The following ACOX2 variants were observed in gnomAD, a reference collection of about 807,000 sequenced individuals.
ACOX2 encodes the protein acyl-CoA oxidase 2.
Under a neutral mutation model 77.5 loss-of-function variants are expected in ACOX2, and 59 were observed. The observed-to-expected ratio is 0.76, with a 90% CI of 0.62 to 0.95. The LOEUF is 0.95. ACOX2 is among the 40% of genes least tolerant of loss of function. The probability of loss-of-function intolerance (pLI) is 0.00; values close to 1 mark genes in which losing one functional copy is unlikely to be tolerated. For missense variants in ACOX2, 837 were observed against 880.4 expected (o/e 0.95, Z 0.62); for synonymous variants, 317 against 340.1 (o/e 0.93, Z 0.75).
At position 58,531,613 on chromosome 3, in the gene ACOX2, G is replaced by A; in HGVS notation, c.703+80C>T. On this transcript the variant is annotated intron_variant, in intron 6 of 14. Coordinates refer to ENST00000302819, the MANE Select transcript of ACOX2 (RefSeq NM_003500.4). The surrounding 1 kb of genome is among the most constrained non-coding windows in gnomAD (Gnocchi z 5.8). ...GAGACATGTCTTAGCTACTCCTGTG[G>A]CCCTCTGGGGCCCCAGGTCAGGGAG... The A allele has an allele frequency of 6.4e-7, 1 of 1,560,928 alleles. No individual in the cohort carries two copies. The highest frequency in any genetic ancestry group is 2.2e-5 in the East Asian group (1 of 44,544).
chr3:58,528,397 G>C lies in ACOX2; in HGVS notation c.1155+397C>G, dbSNP rs781237599. Among the ~76,000 whole-genome samples, 21 of 152,344 alleles carry C rather than the reference G, an allele frequency of 1.4e-4. No homozygotes were observed. Among genetic ancestry groups the C allele is most frequent in the Middle Eastern group, 3.4e-3 (1 of 294 alleles). On this transcript the variant is annotated intron_variant, in intron 9 of 14. Coordinates refer to ENST00000302819, the MANE Select transcript of ACOX2 (RefSeq NM_003500.4). The surrounding 1 kb of genome is among the most constrained non-coding windows in gnomAD (Gnocchi z 5.6). ...CCCAGTGGGGTTTGGGGCAGCTTTA[G>C]TGATTAAACACATTAATAATTTTAC...
At position 58,524,436 on chromosome 3, in the gene ACOX2, C is replaced by T. The variant is rs758207077; in HGVS notation, c.1516G>A (p.Val506Met). 9.9e-6 allele frequency: 16 copies of T among 1,613,346 alleles called. No homozygotes were observed. The highest frequency in any genetic ancestry group is 2.5e-6 in the Non-Finnish European group (3 of 1,179,346). ...TCAGCACTGGCTTACCTTACTGCCA[C>T]ATGTGCCCAGGCCGTGGTGTAGAGC... ...PELYTTAWAH[V>M]AVRLIKDSVQ... is the part of the protein sequence containing the mutation. The change falls in exon 11 of 15, where the codon GTG becomes ATG. Residue 506 changes from valine (V) to methionine (M), a missense_variant. By Grantham distance (21) the Val-to-Met change is conservative (BLOSUM62 1). Coordinates refer to ENST00000302819, the MANE Select transcript of ACOX2 (RefSeq NM_003500.4). This position sits in a 1 kb window ranked among gnomAD's most constrained non-coding sequence, Gnocchi z 5.5.
rs532995967 is a variant in ACOX2, at chr3:58,516,463, C to T, written c.1850+743G>A. Reference sequence around the variant, plus strand: ...CAATAAAATGAGGAGATTAATAGTACCCATTTCAAAGGGCTGTAAGGATTA... The same window carrying T: ...CAATAAAATGAGGAGATTAATAGTATCCATTTCAAAGGGCTGTAAGGATTA... On this transcript the variant is annotated intron_variant, in intron 13 of 14. Transcript: ENST00000302819. Among the ~76,000 whole-genome samples the T allele has an allele frequency of 2.0e-5, 3 of 152,302 alleles. No individual in the cohort carries two copies. In the South Asian group the frequency reaches 6.2e-4, roughly 32 times the overall value.
intron 14 of ACOX2, among the ~76,000 whole-genome samples, chr3:58,506,183 T>A (rs1194123665): frequency 1.3e-5 from 2 of 152,222 alleles, no homozygotes; most frequent in African/African-American, 2.4e-5. Context: ...GTTGAATTGT[T>A]GAATGAATGA....
rs1275420514 is a variant in ACOX2, at chr3:58,534,326, C to A, written c.323+34G>T. ...GGTTTCCAGGTGATCCCAGGTAGATCCCTCTCTAGTGGGGCTGCTCGAGGA... is the reference window on the plus strand; with the variant it reads ...GGTTTCCAGGTGATCCCAGGTAGATACCTCTCTAGTGGGGCTGCTCGAGGA... On this transcript the variant is annotated intron_variant, in intron 3 of 14. Coordinates refer to ENST00000302819, the MANE Select transcript of ACOX2 (RefSeq NM_003500.4). The surrounding 1 kb of genome is among the most constrained non-coding windows in gnomAD (Gnocchi z 4.8). 1 of 1,611,374 alleles carries A rather than the reference C, an allele frequency of 6.2e-7. No individual in the cohort carries two copies. Among genetic ancestry groups the A allele is most frequent in the East Asian group, 2.2e-5 (1 of 44,854 alleles).
rs781573121 is a variant in ACOX2 at position 58,522,493 on chromosome 3, C to T, written c.1632+3G>A. On this transcript the variant is annotated splice_donor_region_variant and intron_variant, in intron 12 of 14. Coordinates refer to ENST00000302819, the MANE Select transcript of ACOX2 (RefSeq NM_003500.4). This position sits in a 1 kb window ranked among gnomAD's most constrained non-coding sequence, Gnocchi z 4.3. ...CTTTCAGCTTCAGCTGGCAGGCGCT[C>T]ACCTTAGCAGCCTGGAGGTGTATGA... is the stretch of plus-strand genomic sequence containing the variant. 7 of 1,613,746 alleles carry T rather than the reference C, an allele frequency of 4.3e-6. No individual in the cohort carries two copies. The African/African-American group carries it at 6.7e-5, about 15-fold the overall frequency.
Position 58,534,728 on chromosome 3 carries a change from C to T in ACOX2, c.161-206G>A, listed in dbSNP as rs1247756098. ...AGTGGCAGAATTTTAGGACCAGAAT[C>T]CAGGTCTTCTGCTGCCTAGGACTCT... On this transcript the variant is annotated intron_variant, in intron 2 of 14. Transcript: ENST00000302819. This position sits in a 1 kb window ranked among gnomAD's most constrained non-coding sequence, Gnocchi z 4.8. 2 of 1,365,058 alleles carry T rather than the reference C, an allele frequency of 1.5e-6. No individual in the cohort carries two copies. Among genetic ancestry groups the T allele is most frequent in the African/African-American group, 1.4e-5 (1 of 69,996 alleles). 84.6% of individuals were successfully genotyped at this position (1,365,058 alleles called of 1,614,324 possible).
In ACOX2 at chr3:58,534,044, C is replaced by G; in HGVS notation, c.425G>C (p.Cys142Ser). Residue 142 changes from cysteine (C) to serine (S), a missense_variant, in exon 4 of 15, where the codon TGC becomes TCC. By Grantham distance (112) the Cys-to-Ser change is moderately radical. Coordinates refer to ENST00000302819, the MANE Select transcript of ACOX2 (RefSeq NM_003500.4). The surrounding 1 kb of genome is among the most constrained non-coding windows in gnomAD (Gnocchi z 4.8). Reference protein sequence around the residue: ...EEQIAKWDPLCKNIQIIATYA... With the variant: ...EEQIAKWDPLSKNIQIIATYA... ...CGTTGCGATGATCTGGATGTTTTTGCAGAGTGGGTCCCATTTGGCAATCTG... is the reference window on the plus strand; with the variant it reads ...CGTTGCGATGATCTGGATGTTTTTGGAGAGTGGGTCCCATTTGGCAATCTG... 6.2e-7 allele frequency: 1 copy of G among 1,614,178 alleles called. No homozygotes were observed. Among genetic ancestry groups the G allele is most frequent in the Non-Finnish European group, 8.5e-7 (1 of 1,180,030 alleles).
intron 13 of ACOX2, among the ~76,000 whole-genome samples, chr3:58,516,096 T>G (rs936010197): frequency 6.6e-6 from 1 of 152,222 alleles, no homozygotes; most frequent in Non-Finnish European, 1.5e-5. Flanking sequence ...GTGAAAGCAC[T>G]GCATTAGTAT....
chr3:58,521,856 C>T lies in ACOX2; in HGVS notation c.1632+640G>A, dbSNP rs73838029. On this transcript the variant is annotated intron_variant, in intron 12 of 14. Transcript: ENST00000302819. The surrounding 1 kb of genome is among the most constrained non-coding windows in gnomAD (Gnocchi z 4.8). Reference sequence around the variant, plus strand: ...GCTGCTTCCTTTTGCACGCGCAGCTCCCTTTGCCTGGAAACTTTTCTCTCC... The same window carrying T: ...GCTGCTTCCTTTTGCACGCGCAGCTTCCTTTGCCTGGAAACTTTTCTCTCC... Among the ~76,000 whole-genome samples, 3,041 of 152,314 alleles carry T rather than the reference C, an allele frequency of 0.02. 108 individuals carry two copies. Among genetic ancestry groups the T allele is most frequent in the African/African-American group, 0.07 (2,901 of 41,578 alleles).
rs1560217747 is a variant in ACOX2 at position 58,526,914 on chromosome 3, G to A, written c.1156-258C>T. The stretch of plus-strand genomic sequence containing the variant: ...TGGCCTGGCCAGTGTCTCCAGGATT[G>A]GGAAGAGGGTGCTGCCTGGATTGGG... On this transcript the variant is annotated intron_variant, in intron 9 of 14. Coordinates refer to ENST00000302819, the MANE Select transcript of ACOX2 (RefSeq NM_003500.4). This position sits in a 1 kb window ranked among gnomAD's most constrained non-coding sequence, Gnocchi z 4.3. 6.6e-6 allele frequency among the ~76,000 whole-genome samples: 1 copy of A among 152,192 alleles called. No individual in the cohort carries two copies. The highest frequency in any genetic ancestry group is 1.9e-4 in the East Asian group (1 of 5,196).
chr3:58,517,226 C>T lies in ACOX2; in HGVS notation c.1830G>A (p.Leu610=). 1.2e-6 allele frequency: 2 copies of T among 1,614,042 alleles called. No individual in the cohort carries two copies. Among genetic ancestry groups the T allele is most frequent in the South Asian group, 2.2e-5 (2 of 91,062 alleles). ...CTCACCGGATCAGGCGGAGCAGGTC[C>T]AGGTAGGCTGTTCTTGCCATGTCCA... is the stretch of plus-strand genomic sequence containing the variant. The part of the protein sequence containing the change: ...AQVDMARTAY[L]DLLRLIRKDA... The change falls in exon 13 of 15, where the codon CTG becomes CTA. Residue 610 remains leucine, a synonymous_variant. Transcript: ENST00000302819.
Position 58,535,533 on chromosome 3 carries a change from C to T in ACOX2, c.-91-336G>A, listed in dbSNP as rs1266668286. Among the ~76,000 whole-genome samples, 1 of 152,130 alleles carries T rather than the reference C, an allele frequency of 6.6e-6. No individual in the cohort carries two copies. Among genetic ancestry groups the T allele is most frequent in the Non-Finnish European group, 1.5e-5 (1 of 68,030 alleles). ...AAATAATCCTGGAGAGGTTGAGTGG[C>T]CCCTAGCCACACAGCTGGAGATGGC... On this transcript the variant is annotated intron_variant, in intron 1 of 14. Coordinates refer to ENST00000302819, the MANE Select transcript of ACOX2 (RefSeq NM_003500.4). The surrounding 1 kb of genome is among the most constrained non-coding windows in gnomAD (Gnocchi z 4.8).
At position 58,519,804 on chromosome 3, in the gene ACOX2, T is replaced by G. The variant is rs1026421134; in HGVS notation, c.1633-2381A>C. 1.3e-5 allele frequency among the ~76,000 whole-genome samples: 2 copies of G among 152,236 alleles called. No individual in the cohort carries two copies. Among genetic ancestry groups the G allele is most frequent in the Non-Finnish European group, 2.9e-5 (2 of 68,036 alleles). On this transcript the variant is annotated intron_variant, in intron 12 of 14. Coordinates refer to ENST00000302819, the MANE Select transcript of ACOX2 (RefSeq NM_003500.4). The surrounding 1 kb of genome is among the most constrained non-coding windows in gnomAD (Gnocchi z 5.0). Reference sequence around the variant, plus strand: ...GCTTGCAGCATTTGGCTGTGGAAGGTGAGCAGATGTGCTGTGTTGCCTCTG... The same window carrying G: ...GCTTGCAGCATTTGGCTGTGGAAGGGGAGCAGATGTGCTGTGTTGCCTCTG...
intron 9 of ACOX2, among the ~76,000 whole-genome samples, chr3:58,527,353 T>C (rs1340607822): frequency 6.6e-6 from 1 of 151,834 alleles, no homozygotes; most frequent in East Asian, 1.9e-4. Flanking sequence ...CTGGCCAACA[T>C]AGTGAAACCC....
In ACOX2 at chr3:58,511,061, A is replaced by G. The variant is rs762024285; in HGVS notation, c.1851-2036T>C. The G allele has an allele frequency of 2.4e-4, 110 of 456,580 alleles. 3 individuals are homozygous for G. Among genetic ancestry groups the G allele is most frequent in the South Asian group, 1.7e-3 (108 of 64,542 alleles). The allele number at this position is 456,580 out of a possible 1,614,324, so 28.3% of individuals were successfully genotyped here. The stretch of plus-strand genomic sequence containing the variant: ...GGCTTTACATCGTATTTCACTAATG[A>G]AGTGGAAGCAGTAAGAGAATCTGTG... On this transcript the variant is annotated intron_variant, in intron 13 of 14. Coordinates refer to ENST00000302819, the MANE Select transcript of ACOX2 (RefSeq NM_003500.4).
Position 58,508,946 on chromosome 3 carries a change from T to A in ACOX2, c.1930A>T (p.Asn644Tyr). Residue 644 changes from asparagine (N) to tyrosine (Y), a missense_variant, in exon 14 of 15, where the codon AAC (asparagine) becomes TAC (tyrosine). Asn to Tyr is a moderately radical substitution (Grantham distance 143, BLOSUM62 -2). Transcript: ENST00000302819. The part of the protein sequence containing the change: ...LNSALGCYDG[N>Y]VYERLFQWAQ... ...CACTGGAACAGGCGTTCGTAGACGT[T>A]TCCATCATAACAGCCAAGTGCTGAA... 1.2e-6 allele frequency: 2 copies of A among 1,614,206 alleles called. No individual in the cohort carries two copies. Among genetic ancestry groups the A allele is most frequent in the Non-Finnish European group, 1.7e-6 (2 of 1,180,024 alleles).
At position 58,534,507 on chromosome 3, in the gene ACOX2, C is replaced by T. The variant is rs1420071268; in HGVS notation, c.176G>A (p.Ser59Asn). ...GTCCTTACAGCTAAACTCCGGGTAA[C>T]TGTGGATGATGCTCTCTGCAGAGGA... ...LRRKVESIIH[S>N]YPEFSCKDNY... The change falls in exon 3 of 15, where the codon AGT (serine) becomes AAT (asparagine). Residue 59 changes from serine to asparagine, a missense_variant. Physicochemically the swap from Ser to Asn is conservative, Grantham distance 46. Transcript: ENST00000302819. This position sits in a 1 kb window ranked among gnomAD's most constrained non-coding sequence, Gnocchi z 4.8. 1 of 1,614,076 alleles carries T rather than the reference C, an allele frequency of 6.2e-7. No homozygotes were observed. The highest frequency in any genetic ancestry group is 8.5e-7 in the Non-Finnish European group (1 of 1,180,048).
rs143428507 is a variant in ACOX2, at chr3:58,527,397, G to A, written c.1156-741C>T. Among the ~76,000 whole-genome samples, 26 of 152,138 alleles carry A rather than the reference G, an allele frequency of 1.7e-4. 1 individual carries two copies. The East Asian group carries it at 4.5e-3, about 26-fold the overall frequency. On this transcript the variant is annotated intron_variant, in intron 9 of 14. Transcript: ENST00000302819. ...CTAAAAATACAAAAATTAGCTGGGC[G>A]TGGTGGCGTGCACTTGTAGTCCCAG...
Sources: gnomAD v4.1 joint callset for allele counts (sites outside exome capture counted in the v4.1 genomes callset) on GRCh38, gnomAD v4.1.1 for gene constraint, Gnocchi (gnomAD v3.1) non-coding constraint, MANE v1.5 for transcripts, NCBI Gene and HGNC (gene_info 2026-07-23, HGNC 2026-07-21) for gene names.